The following TRIM24 variants were observed in gnomAD, a reference collection of about 807,000 sequenced individuals.
TRIM24 encodes tripartite motif containing 24.
Under a neutral mutation model 123.9 loss-of-function variants are expected in TRIM24, and 29 were observed. That is an observed-to-expected ratio of 0.23 (90% CI 0.17 to 0.32). The LOEUF is 0.32. TRIM24 is among the 10% of genes least tolerant of loss of function. The pLI, the probability that TRIM24 is intolerant of heterozygous loss-of-function variation, is 1.00. For synonymous variants in TRIM24, 456 were observed against 461.1 expected (o/e 0.99, Z 0.14); for missense variants, 932 against 1,295.3 (o/e 0.72, Z 4.31).
chr7:138,506,994 T>G (rs1796165126), intron 2 of TRIM24, among the ~76,000 whole-genome samples: 1 of 152,136 alleles, frequency 6.6e-6, no homozygotes, highest in African/African-American at 2.4e-5. Flanking sequence ...GATGTTTTAC[T>G]GCCTGGATGG....
chr7:138,533,611 AT>A, intron 6 of TRIM24, among the ~76,000 whole-genome samples: 1 of 152,048 alleles, frequency 6.6e-6, no homozygotes, highest in Non-Finnish European at 1.5e-5. Context: ...GCTGGATTCG[AT>A]TTGCCAGTAT....
At chr7:138,462,829 C>G (rs1355206954) in intron 1 of TRIM24, among the ~76,000 whole-genome samples, 2 of 151,902 alleles carry the variant, frequency 1.3e-5, no homozygotes, top group Non-Finnish European at 2.9e-5. Flanking sequence ...CTGGAAAGTT[C>G]GAACAGGTGA....
At chr7:138,562,989 G>A (rs1320567896) in intron 9 of TRIM24, among the ~76,000 whole-genome samples, 13 of 152,280 alleles carry the variant, frequency 8.5e-5, no homozygotes, top group Non-Finnish European at 1.8e-4. Context: ...CTCCTATAAC[G>A]AACCTCCTTG....
At chr7:138,488,181 G>A (rs183402708) in intron 1 of TRIM24, among the ~76,000 whole-genome samples, 56 of 151,906 alleles carry the variant, frequency 3.7e-4, no homozygotes, top group Middle Eastern at 6.8e-3. Context: ...TGTGGGATCG[G>A]TGGTGATATC....
At chr7:138,522,889 C>T (rs138898607) in intron 4 of TRIM24, among the ~76,000 whole-genome samples, 1 of 152,272 alleles carries the variant, frequency 6.6e-6, no homozygotes, top group African/African-American at 2.4e-5. Context: ...AAAACATTTT[C>T]ATCTGAATGA....
chr7:138,566,951 T>C (rs1270447330), intron 9 of TRIM24, among the ~76,000 whole-genome samples: 4 of 152,244 alleles, frequency 2.6e-5, no homozygotes, highest in African/African-American at 9.6e-5. Context: ...TTTTCTGTGC[T>C]TTATTTTAGC....
chr7:138,498,035 T>C (rs1252742296), intron 1 of TRIM24, among the ~76,000 whole-genome samples: 2 of 151,110 alleles, frequency 1.3e-5, no homozygotes, highest in African/African-American at 4.9e-5. Context: ...TTTATTTATT[T>C]TTTGAGACAG....
At chr7:138,543,365 GA>G (rs1192321625) in intron 7 of TRIM24, among the ~76,000 whole-genome samples, 1 of 152,164 alleles carries the variant, frequency 6.6e-6, no homozygotes, top group Non-Finnish European at 1.5e-5. Context: ...AGCAGCTGTA[GA>G]TAATAATTTG....
At chr7:138,508,680 T>TGCGCGCGCGCGCGCGTGCGC (rs777842191) in intron 2 of TRIM24, among the ~76,000 whole-genome samples, 6 of 97,110 alleles carry the variant, frequency 6.2e-5, no homozygotes, top group African/African-American at 3.2e-4. Flanking sequence ...TGTGTGTGTG[T>TGCGCGCGCGCGCGCGTGCGC]GTGTGTGTGT....
intron 9 of TRIM24, among the ~76,000 whole-genome samples, chr7:138,564,157 G>C (rs1429676593): frequency 2.6e-5 from 4 of 152,152 alleles, no homozygotes; most frequent in Admixed American, 2.6e-4. Flanking sequence ...GGAGATCAGT[G>C]GTTGTAAAAG....
intron 1 of TRIM24, among the ~76,000 whole-genome samples, chr7:138,478,741 G>C (rs111280716): frequency 0.024 from 3,610 of 152,296 alleles, 141 homozygotes; most frequent in African/African-American, 0.082. Context: ...GGGAAACTTT[G>C]ATAAGGTGTT....
chr7:138,465,505 A>G (rs1795116554), intron 1 of TRIM24, among the ~76,000 whole-genome samples: 2 of 152,206 alleles, frequency 1.3e-5, no homozygotes, highest in South Asian at 4.1e-4. Context: ...GCTATTTTTA[A>G]CAAATACTGA....
chr7:138,498,191 T>C (rs1795956427), intron 1 of TRIM24, among the ~76,000 whole-genome samples: 3 of 152,006 alleles, frequency 2.0e-5, no homozygotes, highest in Admixed American at 2.0e-4. Flanking sequence ...CACAATCACA[T>C]GCCACCACTC....
intron 1 of TRIM24, among the ~76,000 whole-genome samples, chr7:138,463,832 C>T (rs777956309): frequency 1.3e-5 from 2 of 151,720 alleles, no homozygotes; most frequent in Non-Finnish European, 2.9e-5. Context: ...CTAGGAAAAA[C>T]GTTTTAACAA....
intron 14 of TRIM24, among the ~76,000 whole-genome samples, chr7:138,578,198 CAG>C (rs891077465): frequency 7.9e-5 from 12 of 152,018 alleles, no homozygotes; most frequent in Non-Finnish European, 1.3e-4. Context: ...AAGGTAATTA[CAG>C]AGTCTTAGTA....
At chr7:138,478,201 T>C (rs1414821769) in intron 1 of TRIM24, among the ~76,000 whole-genome samples, 3 of 152,224 alleles carry the variant, frequency 2.0e-5, no homozygotes, top group Non-Finnish European at 2.9e-5. Context: ...TGATGGGGTC[T>C]TACCTACATT....
chr7:138,571,980 T>G (rs1797666591), intron 11 of TRIM24, among the ~76,000 whole-genome samples: 1 of 152,224 alleles, frequency 6.6e-6, no homozygotes, highest in Non-Finnish European at 1.5e-5. Context: ...TAACCTACTG[T>G]CGTGCACATA....
At chr7:138,518,676 CTCTG>C (rs2116563442) in intron 3 of TRIM24, among the ~76,000 whole-genome samples, 1 of 152,182 alleles carries the variant, frequency 6.6e-6, no homozygotes, top group African/African-American at 2.4e-5. Context: ...GCCTCTCTGT[CTCTG>C]TCTGTGAGGT....
At chr7:138,515,403 C>A in intron 3 of TRIM24, 44 bp downstream of exon 3, 2 of 1,595,876 alleles carry the variant, frequency 1.3e-6, no homozygotes, top group South Asian at 2.2e-5. Context: ...TATCTTTCCC[C>A]GTCTTTTCTT....
Sources: allele counts gnomAD v4.1 joint callset (sites outside exome capture counted in the v4.1 genomes callset), GRCh38; gene constraint gnomAD v4.1.1; transcripts MANE v1.5; gene names NCBI Gene and HGNC (gene_info 2026-07-23, HGNC 2026-07-21).